Variants in EXOC4 observed in about 807,000 individuals in gnomAD.
EXOC4 encodes the protein SEC8-like 1.
EXOC4 carries 71 observed loss-of-function variants against 107.2 expected under a neutral mutation model. The ratio of observed to expected loss-of-function variants is 0.66; its 90% confidence interval spans 0.55 to 0.81. The LOEUF (loss-of-function observed/expected upper bound fraction) is 0.81. Ranked by LOEUF, EXOC4 falls within the 30% of genes least tolerant of loss-of-function variation. The pLI is 0.00. For missense variants in EXOC4, 1,108 were observed against 1,189.6 expected (o/e 0.93, Z 1.01); for synonymous variants, 456 against 441.2 (o/e 1.03, Z -0.42).
chr7:133,753,736 C>A (rs1023254681), intron 10 of EXOC4, among the ~76,000 whole-genome samples: 1 of 152,134 alleles, frequency 6.6e-6, no homozygotes, highest in Non-Finnish European at 1.5e-5. Flanking sequence ...TCTCACTGTA[C>A]CTAGCATGCT....
At chr7:133,690,886 G>T (rs959179343) in intron 10 of EXOC4, among the ~76,000 whole-genome samples, 1 of 152,096 alleles carries the variant, frequency 6.6e-6, no homozygotes, top group African/African-American at 2.4e-5. Context: ...TTTTAGTAAG[G>T]GTTGCTAATT....
intron 9 of EXOC4, among the ~76,000 whole-genome samples, chr7:133,489,872 T>C (rs535342088): frequency 1.3e-5 from 2 of 152,196 alleles, no homozygotes; most frequent in African/African-American, 4.8e-5. Flanking sequence ...GTCCCTGATA[T>C]TTCGCTAGTC....
At chr7:133,406,527 G>A (rs903254746) in intron 7 of EXOC4, among the ~76,000 whole-genome samples, 55 of 152,130 alleles carry the variant, frequency 3.6e-4, no homozygotes, top group South Asian at 8.3e-4. Flanking sequence ...GTAAAGGGAA[G>A]GTATGTATTT....
chr7:133,822,878 A>T lies in EXOC4; in HGVS notation c.1734+5334A>T, dbSNP rs182780934. ...TGGGGTTTTAGCTTTGTGGTGAACA[A>T]CAGTAGTCATTTTTTAAAAAGTATT... is the stretch of plus-strand genomic sequence containing the variant. On this transcript the variant is annotated intron_variant, in intron 11 of 17. Coordinates refer to ENST00000253861, the MANE Select transcript of EXOC4 (RefSeq NM_021807.4). Among the ~76,000 whole-genome samples, 45 of 152,362 alleles carry T rather than the reference A, an allele frequency of 3.0e-4. 1 individual carries two copies. The highest frequency in any genetic ancestry group is 1.1e-3 in the African/African-American group (45 of 41,590).
chr7:133,552,597 G>A (rs1800611895), intron 9 of EXOC4, among the ~76,000 whole-genome samples: 1 of 152,068 alleles, frequency 6.6e-6, no homozygotes, highest in Non-Finnish European at 1.5e-5. Context: ...GACTGTTTCT[G>A]CAGACTCTGT....
chr7:133,325,083 C>T (rs1397968833), intron 5 of EXOC4, among the ~76,000 whole-genome samples: 2 of 152,102 alleles, frequency 1.3e-5, no homozygotes, highest in Non-Finnish European at 2.9e-5. Flanking sequence ...CTCCATCCCT[C>T]TATTTTGAGC....
chr7:133,858,699 T>G lies in EXOC4; in HGVS notation c.1735-36900T>G, dbSNP rs146491709. On this transcript the variant is annotated intron_variant, in intron 11 of 17. Coordinates refer to ENST00000253861, the MANE Select transcript of EXOC4 (RefSeq NM_021807.4). ...GCGCAGGTGCTCATCAAATGTTGATTCGGAAATGGGATGGTGTTCTGTTCA... is the reference window on the plus strand; with the variant it reads ...GCGCAGGTGCTCATCAAATGTTGATGCGGAAATGGGATGGTGTTCTGTTCA... Among the ~76,000 whole-genome samples the G allele has an allele frequency of 1.4e-4, 22 of 152,308 alleles. No individual in the cohort carries two copies. The East Asian group carries it at 4.1e-3, about 28-fold the overall frequency.
intron 6 of EXOC4, among the ~76,000 whole-genome samples, chr7:133,365,078 A>T (rs545955602): frequency 6.4e-4 from 98 of 152,280 alleles, no homozygotes; most frequent in Non-Finnish European, 1.3e-3. Context: ...ATAGCTGGAC[A>T]TGTTGAGAAG....
downstream of EXOC4, among the ~76,000 whole-genome samples, chr7:134,069,548 A>AGT (rs903408867): frequency 6.6e-6 from 1 of 151,800 alleles, no homozygotes; most frequent in Non-Finnish European, 1.5e-5. Flanking sequence ...CCCCGGCTGG[A>AGT]GTGCATTGGC....
At chr7:133,542,169 T>TTGTGTGTGTGTGTGTG (rs3046171) in intron 9 of EXOC4, among the ~76,000 whole-genome samples, 4 of 147,152 alleles carry the variant, frequency 2.7e-5, no homozygotes, top group South Asian at 2.2e-4. Context: ...AAATTTTATC[T>TTGTGTGTGTGTGTGTG]TGTGTGTGTG....
intron 17 of EXOC4, among the ~76,000 whole-genome samples, chr7:134,011,834 G>C (rs1267806341): frequency 6.6e-6 from 1 of 151,068 alleles, no homozygotes; most frequent in African/African-American, 2.4e-5. Context: ...GAGGGTGCCA[G>C]AGTCTAATGG....
chr7:133,903,419 A>G (rs1313326607), intron 12 of EXOC4, among the ~76,000 whole-genome samples: 4 of 152,344 alleles, frequency 2.6e-5, no homozygotes, highest in East Asian at 1.9e-4. Flanking sequence ...AGCAGCAGAG[A>G]TGGAGGGAAC....
At chr7:133,719,489 G>T (rs192549582) in intron 10 of EXOC4, among the ~76,000 whole-genome samples, 9 of 151,814 alleles carry the variant, frequency 5.9e-5, no homozygotes, top group African/African-American at 2.2e-4. Flanking sequence ...GGAAGCCATG[G>T]ATTTGAGTTT....
chr7:133,964,383 G>T (rs1223094690), intron 14 of EXOC4, among the ~76,000 whole-genome samples: 3 of 151,752 alleles, frequency 2.0e-5, no homozygotes, highest in East Asian at 1.9e-4. Context: ...GAATGTGCAG[G>T]TTTGTTACCT....
intron 9 of EXOC4, among the ~76,000 whole-genome samples, chr7:133,621,128 C>T (rs1802319233): frequency 6.6e-6 from 1 of 152,222 alleles, no homozygotes; most frequent in Admixed American, 6.5e-5. Flanking sequence ...TCCAGGTGAA[C>T]ACATTTTACT....
At chr7:133,470,809 T>C (rs375981426) in intron 7 of EXOC4, among the ~76,000 whole-genome samples, 1 of 152,342 alleles carries the variant, frequency 6.6e-6, no homozygotes, top group East Asian at 1.9e-4. Flanking sequence ...TATTTGATAT[T>C]GTAAGTAATG....
At chr7:133,591,381 A>C (rs1252806153) in intron 9 of EXOC4, among the ~76,000 whole-genome samples, 1 of 152,116 alleles carries the variant, frequency 6.6e-6, no homozygotes, top group Non-Finnish European at 1.5e-5. Flanking sequence ...AACAGAATTC[A>C]TGTTGCCCTG....
intron 9 of EXOC4, among the ~76,000 whole-genome samples, chr7:133,558,185 C>CCGTCT: frequency 1.1e-5 from 1 of 91,418 alleles, no homozygotes; most frequent in East Asian, 2.6e-4. Flanking sequence ...TATTTTGGTT[C>CCGTCT]CTTCTCTTTT....
intron 11 of EXOC4, among the ~76,000 whole-genome samples, chr7:133,860,326 C>A (rs1024897771): frequency 2.0e-5 from 3 of 152,308 alleles, no homozygotes; most frequent in African/African-American, 7.2e-5. Context: ...GCCTCGTTTT[C>A]CACAGCATTT....
Sources: allele counts gnomAD v4.1 joint callset (sites outside exome capture counted in the v4.1 genomes callset), GRCh38; gene constraint gnomAD v4.1.1; transcripts MANE v1.5; gene names NCBI Gene and HGNC (gene_info 2026-07-23, HGNC 2026-07-21).